Variants in SPRY3 observed in about 807,000 individuals in gnomAD.
SPRY3 encodes the protein sprouty RTK signaling antagonist 3, also known as protein sprouty homolog 3.
A neutral mutation model predicts 20.2 loss-of-function variants in SPRY3; 15 were observed. The observed-to-expected ratio is 0.74, with a 90% CI of 0.50 to 1.14. SPRY3 has a LOEUF of 1.14. Ranked by LOEUF, SPRY3 falls within the 50% of genes most tolerant of loss-of-function variation. The pLI is 0.00. For missense variants in SPRY3, 364 were observed against 363.9 expected, an observed-to-expected ratio of 1.00 and a Z score of 0.00; for synonymous variants, 143 against 136.5, an observed-to-expected ratio of 1.05 and a Z score of -0.33.
intron 2 of SPRY3, among the ~76,000 whole-genome samples, chrX:155,747,413 T>C (rs184390505): frequency 6.6e-6 from 1 of 152,074 alleles, no homozygotes; most frequent in African/African-American, 2.4e-5. Context: ...AGAAAAGATT[T>C]TCCTATTTTC....
intron 2 of SPRY3, among the ~76,000 whole-genome samples, chrX:155,743,803 A>T (rs2091214128): frequency 6.6e-6 from 1 of 152,150 alleles, no homozygotes; most frequent in Non-Finnish European, 1.5e-5. Flanking sequence ...ATAAGTGTTG[A>T]TAACTTGAAA....
At chrX:155,709,349 G>A (rs2090971490) in intron 2 of SPRY3, among the ~76,000 whole-genome samples, 1 of 151,440 alleles carries the variant, frequency 6.6e-6, no homozygotes, top group African/African-American at 2.4e-5. Flanking sequence ...TCTGTCTTTT[G>A]GATATAAGCC....
In SPRY3 at chrX:155,653,918, A is replaced by T. The variant is rs181287682; in HGVS notation, c.-440-2949A>T. 3.3e-3 allele frequency among the ~76,000 whole-genome samples: 366 copies of T among 111,809 alleles called. 1 individual carries two copies. The highest frequency in any genetic ancestry group is 5.6e-3 in the Non-Finnish European group (296 of 53,055). ...ACACCAACAATCTATTCTCCTGTGG[A>T]CACCCACTTGGTGTCCTATAATTAA... On this transcript the variant is annotated intron_variant, in intron 1 of 3. Transcript: ENST00000675360.
chrX:155,723,601 A>G (rs1268875158), intron 2 of SPRY3, among the ~76,000 whole-genome samples: 1 of 152,082 alleles, frequency 6.6e-6, no homozygotes, highest in Non-Finnish European at 1.5e-5. Flanking sequence ...GTATCTGTTC[A>G]TATCCTTTGC....
intron 1 of SPRY3, among the ~76,000 whole-genome samples, chrX:155,631,060 G>T (rs1367381479): frequency 9.0e-6 from 1 of 110,660 alleles, no homozygotes. Flanking sequence ...AGTGAGCATA[G>T]TACCCAGTAC....
intron 2 of SPRY3, among the ~76,000 whole-genome samples, chrX:155,667,758 A>T (rs1471458906): frequency 9.0e-6 from 1 of 111,586 alleles, no homozygotes; most frequent in Non-Finnish European, 1.9e-5. Context: ...AAGATCTCTT[A>T]TGAATCAATA....
chrX:155,751,101 G>C (rs768821091), intron 2 of SPRY3, among the ~76,000 whole-genome samples: 2 of 152,002 alleles, frequency 1.3e-5, no homozygotes, highest in Non-Finnish European at 2.9e-5. Flanking sequence ...GTAGGTTCAA[G>C]AAAATGTTGG....
At position 155,755,124 on chromosome X, in the gene SPRY3, T is replaced by TC. The variant is rs201257706; in HGVS notation, c.-281-12838_-281-12837insC. ...GGGTAACAGCAGTGGAAAAAATAAG[T>TC]AAAAAGTCTAACTGGAGAGTAATGA... is the stretch of plus-strand genomic sequence containing the variant. On this transcript the variant is annotated intron_variant, in intron 2 of 3. Coordinates refer to ENST00000675360, the Ensembl canonical transcript of SPRY3. Among the ~76,000 whole-genome samples the TC allele has an allele frequency of 8.9e-3, 1,353 of 151,940 alleles. 14 individuals carry two copies. The highest frequency in any genetic ancestry group is 0.031 in the African/African-American group (1,279 of 41,396).
intron 2 of SPRY3, among the ~76,000 whole-genome samples, chrX:155,741,647 G>A (rs181582050): frequency 7.9e-5 from 12 of 152,238 alleles, no homozygotes; most frequent in Middle Eastern, 3.4e-3. Context: ...CAGACTAACA[G>A]CAGGCCTCTC....
chrX:155,727,745 G>A (rs932485754), intron 2 of SPRY3, among the ~76,000 whole-genome samples: 18 of 152,042 alleles, frequency 1.2e-4, no homozygotes, highest in African/African-American at 4.3e-4. Flanking sequence ...GGGTTAGAAT[G>A]TGCTTCTTTA....
At chrX:155,709,316 A>G (rs1050229401) in intron 2 of SPRY3, among the ~76,000 whole-genome samples, 1 of 151,430 alleles carries the variant, frequency 6.6e-6, no homozygotes, top group Non-Finnish European at 1.5e-5. Context: ...TTTTCTCCAC[A>G]CCCTCACTAG....
intron 2 of SPRY3, among the ~76,000 whole-genome samples, chrX:155,762,022 T>TACCA (rs2091306134): frequency 6.6e-6 from 1 of 152,150 alleles, no homozygotes; most frequent in Non-Finnish European, 1.5e-5. Context: ...TAAATTCTAG[T>TACCA]ACCATATCTC....
intron 2 of SPRY3, among the ~76,000 whole-genome samples, chrX:155,660,181 G>A (rs782087838): frequency 7.2e-5 from 8 of 111,297 alleles, no homozygotes; most frequent in Non-Finnish European, 1.3e-4. Flanking sequence ...CTCCCCCTTA[G>A]CGGTGTTTTT....
intron 2 of SPRY3, among the ~76,000 whole-genome samples, chrX:155,757,861 T>A (rs1230449844): frequency 6.6e-6 from 1 of 152,146 alleles, no homozygotes; most frequent in Admixed American, 6.5e-5. Flanking sequence ...ATGAGATGGG[T>A]GCCCATCAGC....
At chrX:155,613,813 C>G (rs781834875) in intron 1 of SPRY3, among the ~76,000 whole-genome samples, 1 of 110,985 alleles carries the variant, frequency 9.0e-6, no homozygotes, top group East Asian at 2.8e-4. Context: ...TTTTTTTTCC[C>G]TAGGTCCAGT....
At chrX:155,707,644 T>A (rs2090960883) in intron 2 of SPRY3, among the ~76,000 whole-genome samples, 1 of 151,252 alleles carries the variant, frequency 6.6e-6, no homozygotes, top group African/African-American at 2.4e-5. Flanking sequence ...GCATTTATAA[T>A]TGTTACATAT....
chrX:155,723,609 T>C (rs1157978444), intron 2 of SPRY3, among the ~76,000 whole-genome samples: 27 of 152,210 alleles, frequency 1.8e-4, no homozygotes, highest in Non-Finnish European at 2.9e-5. Flanking sequence ...TCATATCCTT[T>C]GCCCACTTTT....
At chrX:155,749,713 A>G (rs920123523) in intron 2 of SPRY3, among the ~76,000 whole-genome samples, 17 of 151,840 alleles carry the variant, frequency 1.1e-4, no homozygotes, top group South Asian at 2.1e-4. Flanking sequence ...GGCTTTCACT[A>G]TGATTTTTGC....
intron 2 of SPRY3, among the ~76,000 whole-genome samples, chrX:155,667,741 A>G (rs1385509452): frequency 6.3e-5 from 7 of 111,282 alleles, no homozygotes; most frequent in African/African-American, 2.0e-4. Flanking sequence ...TGTGTTCAGA[A>G]TATATAAAGA....
Sources: gnomAD v4.1 joint callset for allele counts (sites outside exome capture counted in the v4.1 genomes callset) on GRCh38, gnomAD v4.1.1 for gene constraint, MANE v1.5 for transcripts, NCBI Gene and HGNC (gene_info 2026-07-23, HGNC 2026-07-21) for gene names.